Variants in MFRP observed in about 807,000 individuals in gnomAD.
The protein encoded by MFRP is C1q and TNF related 5.
In MFRP, 74 loss-of-function variants were observed where a neutral mutation model predicts 65.8. The ratio of observed to expected loss-of-function variants is 1.12; its 90% confidence interval spans 0.93 to 1.36. The LOEUF (loss-of-function observed/expected upper bound fraction) is 1.36. MFRP is among the 40% of genes most tolerant of loss of function. The pLI, the probability that MFRP is intolerant of heterozygous loss-of-function variation, is 0.00. For synonymous variants in MFRP, 336 were observed against 288.3 expected (o/e 1.17, Z -1.68); for missense variants, 838 against 736.0 (o/e 1.14, Z -1.60).
chr11:119,340,390 G>A lies in MFRP; in HGVS notation c.*904C>T, dbSNP rs1206336903. 2 of 1,545,242 alleles carry A rather than the reference G, an allele frequency of 1.3e-6. No homozygotes were observed. The highest frequency in any genetic ancestry group is 3.9e-5 in the Admixed American group (2 of 50,948). ...GCCCAGGAGCAGCAGGACGAGGAGT[G>A]GCCTCATAGCGCTGGCACCGGGAGC... On this transcript the variant is annotated 3_prime_UTR_variant, in exon 14 of 15. Transcript: ENST00000619721.
At chr11:119,342,106 C>G (rs1950508848) in intron 11 of MFRP, 122 bp from the exon 12 acceptor site, 5 of 1,204,072 alleles carry the variant, frequency 4.2e-6, no homozygotes, top group Admixed American at 2.0e-5. Context: ...TGTGAGGAAG[C>G]AAGAGGATAA....
chr11:119,344,248 A>T, intron 8 of MFRP, 67 bp downstream of exon 8: 2 of 1,432,044 alleles, frequency 1.4e-6, no homozygotes, highest in Non-Finnish European at 9.9e-7. Context: ...CATTCCCATT[A>T]CACTAACTTG....
Position 119,339,115 on chromosome 11 carries a change from C to T in MFRP, c.*1844G>A. On this transcript the variant is annotated 3_prime_UTR_variant, in exon 15 of 15. Transcript: ENST00000619721. The surrounding 1 kb of genome is among the most constrained non-coding windows in gnomAD (Gnocchi z 5.4). Reference sequence around the variant, plus strand: ...TGCCAGCACAGCACACTCCTCTGGTCTTGGGCAGAAATCCAGCCACTGCCC... The same window carrying T: ...TGCCAGCACAGCACACTCCTCTGGTTTTGGGCAGAAATCCAGCCACTGCCC... 1.7e-6 allele frequency: 1 copy of T among 604,362 alleles called. No homozygotes were observed. Among genetic ancestry groups the T allele is most frequent in the Non-Finnish European group, 2.9e-6 (1 of 347,972 alleles). 37.4% of individuals were successfully genotyped at this position (604,362 alleles called of 1,614,324 possible).
At position 119,346,009 on chromosome 11, in the gene MFRP, C is replaced by A. The variant is rs780610231; in HGVS notation, c.271+37G>T. The A allele has an allele frequency of 1.1e-5, 17 of 1,612,790 alleles. No homozygotes were observed. In the South Asian group the frequency reaches 1.6e-4, roughly 16 times the overall value. On this transcript the variant is annotated intron_variant, in intron 3 of 14. Transcript: ENST00000619721. ...GGAGAGCGGCTCATGGAGTTTCATTCCAAAGCCCTCGTTTCAAGCTGTCCC... is the reference window on the plus strand; with the variant it reads ...GGAGAGCGGCTCATGGAGTTTCATTACAAAGCCCTCGTTTCAAGCTGTCCC...
intron 9 of MFRP, among the ~76,000 whole-genome samples, 171 bp from the exon 10 acceptor site, chr11:119,343,174 T>C (rs974024510): frequency 2.0e-5 from 3 of 152,154 alleles, no homozygotes; most frequent in African/African-American, 7.2e-5. Flanking sequence ...AGGGAAAGCA[T>C]TAAACAAACT....
At position 119,343,801 on chromosome 11, in the gene MFRP, C is replaced by T; in HGVS notation, c.1124+15G>A. ...GAGGATGGAGTTATCCATGGCTCTT[C>T]CCTGGCTCCTGTACCTGCCCAGGAG... On this transcript the variant is annotated intron_variant, in intron 9 of 14. Coordinates refer to ENST00000619721, the MANE Select transcript of MFRP (RefSeq NM_031433.4). 6.2e-7 allele frequency: 1 copy of T among 1,613,744 alleles called. No homozygotes were observed. Among genetic ancestry groups the T allele is most frequent in the Non-Finnish European group, 8.5e-7 (1 of 1,179,982 alleles).
chr11:119,344,529 A>G, intron 7 of MFRP, 103 bp downstream of exon 7: 2 of 1,598,378 alleles, frequency 1.3e-6, no homozygotes, highest in South Asian at 1.1e-5. Context: ...CTGAGCAGGA[A>G]ATGCTGACGG....
In MFRP at chr11:119,339,990, C is replaced by T. The variant is rs1316517186; in HGVS notation, c.*1111-142G>A. 37 of 1,306,908 alleles carry T rather than the reference C, an allele frequency of 2.8e-5. No individual in the cohort carries two copies. The highest frequency in any genetic ancestry group is 3.2e-5 in the Non-Finnish European group (32 of 996,016). 81.0% of individuals were successfully genotyped at this position (1,306,908 alleles called of 1,614,324 possible). A position where few individuals can be genotyped will look rare whatever the true frequency, so the allele number is the denominator to read the frequency against. On this transcript the variant is annotated intron_variant, in intron 14 of 14. Transcript: ENST00000619721. This position sits in a 1 kb window ranked among gnomAD's most constrained non-coding sequence, Gnocchi z 5.4. ...CCTCCCGCACGGGTACCTCCTCCAC[C>T]CCTTCCCGCAGGGCAGATCTGGGGG...
Position 119,344,859 on chromosome 11 carries a change from T to C in MFRP, c.772+15A>G, listed in dbSNP as rs780639268. The C allele has an allele frequency of 5.6e-6, 9 of 1,613,000 alleles. No homozygotes were observed. The Admixed American group carries it at 1.5e-4, about 27-fold the overall frequency. ...AGAAAGTGGACACTCAACAGGCAGG[T>C]GGGAACACACTCACCGCGCCCAGGG... On this transcript the variant is annotated intron_variant, in intron 6 of 14. Transcript: ENST00000619721.
rs1003867368 is a variant in MFRP at position 119,339,197 on chromosome 11, G to A, written c.*1762C>T. ...TGTTCCCATTCCTTGCCAGCAGCAG[G>A]ACGGAGAGTGCTCTACCCCACCTCC... On this transcript the variant is annotated 3_prime_UTR_variant, in exon 15 of 15. Transcript: ENST00000619721. The surrounding 1 kb of genome is among the most constrained non-coding windows in gnomAD (Gnocchi z 5.4). 4.1e-6 allele frequency: 4 copies of A among 984,434 alleles called. No individual in the cohort carries two copies. The highest frequency in any genetic ancestry group is 3.3e-5 in the African/African-American group (2 of 60,972). The allele number at this position is 984,434 out of a possible 1,614,324, so 61.0% of individuals were successfully genotyped here.
intron 11 of MFRP, 68 bp from the exon 12 acceptor site, chr11:119,342,052 C>T (rs544282862): frequency 9.9e-5 from 158 of 1,599,036 alleles, no homozygotes; most frequent in Admixed American, 4.9e-4. Context: ...GGCAAGTCAC[C>T]GAATCGCTCG....
intron 8 of MFRP, 31 bp downstream of exon 8, chr11:119,344,284 C>T (rs749992152): frequency 1.9e-6 from 3 of 1,602,776 alleles, no homozygotes; most frequent in Admixed American, 1.7e-5. Context: ...CGTGTGTGCC[C>T]CTCCCGTTCT....
At position 119,339,621 on chromosome 11, in the gene MFRP, G is replaced by C. The variant is rs772224131; in HGVS notation, c.*1338C>G. 2 of 1,613,066 alleles carry C rather than the reference G, an allele frequency of 1.2e-6. No homozygotes were observed. Among genetic ancestry groups the C allele is most frequent in the Non-Finnish European group, 1.7e-6 (2 of 1,180,036 alleles). On this transcript the variant is annotated 3_prime_UTR_variant, in exon 15 of 15. Transcript: ENST00000619721. This position sits in a 1 kb window ranked among gnomAD's most constrained non-coding sequence, Gnocchi z 5.4. Reference sequence around the variant, plus strand: ...TGGACGGCGAAGTAGTAGACCCCAGGCACCTGGCAGGTGAACTTGCCGGTG... The same window carrying C: ...TGGACGGCGAAGTAGTAGACCCCAGCCACCTGGCAGGTGAACTTGCCGGTG...
chr11:119,342,918 T>G lies in MFRP; in HGVS notation c.1210A>C (p.Ser404Arg). 1.2e-6 allele frequency: 2 copies of G among 1,613,028 alleles called. No homozygotes were observed. The highest frequency in any genetic ancestry group is 1.1e-5 in the South Asian group (1 of 91,026). The stretch of plus-strand genomic sequence containing the variant: ...AGGTAGGTGGCTGAGAAGCCTCCAC[T>G]GCTGATGCCATGATCTGTCCTAAAC... ...VLFRTDHGIS[S>R]GGFSATYLAF... The change falls in exon 10 of 15, where the codon AGT (serine) becomes CGT (arginine). Residue 404 changes from serine (S) to arginine (R), a missense_variant. Physicochemically the swap from Ser to Arg is moderately radical, Grantham distance 110. Coordinates refer to ENST00000619721, the MANE Select transcript of MFRP (RefSeq NM_031433.4).
Position 119,342,596 on chromosome 11 carries a change from C to T in MFRP, c.1387G>A (p.Glu463Lys). The change falls in exon 11 of 15, where the codon GAG becomes AAG. Residue 463 changes from glutamate (E) to lysine (K), a missense_variant and splice_region_variant. Transcript: ENST00000619721. Reference protein sequence around the residue: ...NCSGPLFPPPELACEPVQVEM... With the variant: ...NCSGPLFPPPKLACEPVQVEM... ...GGGTCCCCAGGGGCAGGCTTCTCAC[C>T]TGGGGGTGGGAACAAGGGGCCGCTG... 6.2e-7 allele frequency: 1 copy of T among 1,613,078 alleles called. No individual in the cohort carries two copies.
rs199657714 is a variant in MFRP, at chr11:119,343,867, T to C, written c.1073A>G (p.Tyr358Cys). The change falls in exon 9 of 15, where the codon TAC becomes TGC. Residue 358 changes from tyrosine to cysteine, a missense_variant. Physicochemically the swap from Tyr to Cys is radical, Grantham distance 194. Coordinates refer to ENST00000619721, the MANE Select transcript of MFRP (RefSeq NM_031433.4). ...GCTGCTGGTCTCATACACCTCCACG[T>C]AGTCAAACTTGCACTCGTCCTGAGC... ...LEAQDECKFD[Y>C]VEVYETSSSG... 164 of 1,613,866 alleles carry C rather than the reference T, an allele frequency of 1.0e-4. No individual in the cohort carries two copies. Among genetic ancestry groups the C allele is most frequent in the Non-Finnish European group, 1.3e-4 (155 of 1,180,006 alleles).
rs772089693 is a variant in MFRP at position 119,340,295 on chromosome 11, G to A, written c.*999C>T. The A allele has an allele frequency of 6.5e-7, 1 of 1,532,982 alleles. No individual in the cohort carries two copies. The highest frequency in any genetic ancestry group is 8.8e-7 in the Non-Finnish European group (1 of 1,141,432). The allele number at this position is 1,532,982 out of a possible 1,614,324, so 95.0% of individuals were successfully genotyped here. ...CTGCCATGGTGGCCCGGCGTGCCTG[G>A]AAGGCCGGGGTGCCCCGGGCAGAGG... On this transcript the variant is annotated 3_prime_UTR_variant, in exon 14 of 15. Transcript: ENST00000619721.
At position 119,339,479 on chromosome 11, in the gene MFRP, GC is replaced by G. The variant is rs369839371; in HGVS notation, c.*1479del. The G allele has an allele frequency of 6.8e-6, 11 of 1,613,302 alleles. No homozygotes were observed. Among genetic ancestry groups the G allele is most frequent in the African/African-American group, 2.7e-5 (2 of 74,914 alleles). The stretch of plus-strand genomic sequence containing the variant: ...GTCCTCAGGCTCCAGCCTCACCATG[GC>G]CCCCCCCGAGAGCGAGGCTGGCTTG... On this transcript the variant is annotated 3_prime_UTR_variant, in exon 15 of 15. Transcript: ENST00000619721. The surrounding 1 kb of genome is among the most constrained non-coding windows in gnomAD (Gnocchi z 5.4).
chr11:119,340,053 C>T, intron 14 of MFRP, 131 bp downstream of exon 14: 1 of 1,290,294 alleles, frequency 7.8e-7, no homozygotes, highest in Non-Finnish European at 1.0e-6. Context: ...GGCCCCTCCC[C>T]CGCTCAGGGC....
Sources: allele counts gnomAD v4.1 joint callset (sites outside exome capture counted in the v4.1 genomes callset), GRCh38; gene constraint gnomAD v4.1.1; non-coding constraint Gnocchi (gnomAD v3.1); transcripts MANE v1.5; gene names NCBI Gene and HGNC (gene_info 2026-07-23, HGNC 2026-07-21).